Variants in CMC1 observed in about 807,000 individuals in gnomAD.
CMC1 encodes C-X9-C motif containing 1.
A neutral mutation model predicts 14.1 loss-of-function variants in CMC1; 14 were observed. The ratio of observed to expected loss-of-function variants is 0.99; its 90% CI spans 0.66 to 1.55. CMC1 has a LOEUF of 1.55. CMC1 is among the 40% of genes most tolerant of loss of function. The pLI is 0.00. For synonymous variants in CMC1, 50 were observed against 38.4 expected (o/e 1.30, Z -1.12); for missense variants, 127 against 123.8 (o/e 1.03, Z -0.12).
At chr3:28,271,212 A>G (rs11926578) in intron 2 of CMC1, among the ~76,000 whole-genome samples, 94,601 of 151,808 alleles carry the variant, frequency 0.62, 29,549 homozygotes, top group East Asian at 0.71. Context: ...GTGATTCTCC[A>G]ACCTCAGCTT....
intron 2 of CMC1, among the ~76,000 whole-genome samples, chr3:28,280,094 C>T (rs563933232): frequency 3.3e-5 from 5 of 152,194 alleles, no homozygotes; most frequent in South Asian, 2.1e-4. Flanking sequence ...CTGTTCTGTA[C>T]GACAGTTGAG....
rs1703303381 is a variant in CMC1 at position 28,324,419 on chromosome 3, T to C, written c.*4790T>C. The C allele has an allele frequency of 6.5e-7, 1 of 1,528,762 alleles. No homozygotes were observed. Among genetic ancestry groups the C allele is most frequent in the South Asian group, 1.3e-5 (1 of 77,082 alleles). The allele number at this position is 1,528,762 out of a possible 1,614,324, so 94.7% of individuals were successfully genotyped here. On this transcript the variant is annotated 3_prime_UTR_variant, in exon 4 of 4. Coordinates refer to ENST00000466830, the MANE Select transcript of CMC1 (RefSeq NM_182523.2). ...ATCAAGTGCAGTTTTGTGCTGTCTC[T>C]TCCAAGGTCTTCACTGCATCCTACA...
intron 2 of CMC1, among the ~76,000 whole-genome samples, chr3:28,288,090 C>CA (rs895067473): frequency 6.6e-6 from 1 of 151,596 alleles, no homozygotes. Flanking sequence ...TCCATCGTTA[C>CA]AAAAAAAATT....
At chr3:28,263,903 G>C (rs1699861238) in intron 2 of CMC1, among the ~76,000 whole-genome samples, 1 of 152,098 alleles carries the variant, frequency 6.6e-6, no homozygotes, top group Non-Finnish European at 1.5e-5. Context: ...ACATACACTA[G>C]ACAGCTACAA....
At chr3:28,277,653 T>C (rs1457724217) in intron 2 of CMC1, among the ~76,000 whole-genome samples, 1 of 152,178 alleles carries the variant, frequency 6.6e-6, no homozygotes, top group African/African-American at 2.4e-5. Flanking sequence ...GAAAGTGACA[T>C]GTGGACCAAA....
intron 2 of CMC1, among the ~76,000 whole-genome samples, chr3:28,269,663 T>C (rs1700182966): frequency 6.6e-6 from 1 of 152,100 alleles, no homozygotes; most frequent in Non-Finnish European, 1.5e-5. Flanking sequence ...CCTCCTGGGT[T>C]CAAGTGATTC....
At chr3:28,314,349 T>G (rs1702784944) in intron 2 of CMC1, among the ~76,000 whole-genome samples, 1 of 152,226 alleles carries the variant, frequency 6.6e-6, no homozygotes, top group Non-Finnish European at 1.5e-5. Context: ...CTTTGCCTTT[T>G]GAGTGTTAGA....
intron 2 of CMC1, among the ~76,000 whole-genome samples, chr3:28,280,050 A>G (rs1004861703): frequency 1.3e-5 from 2 of 152,210 alleles, no homozygotes; most frequent in African/African-American, 4.8e-5. Flanking sequence ...ATTGTGGTGT[A>G]CTTGTACAAT....
chr3:28,248,401 T>C (rs543091738), intron 1 of CMC1, among the ~76,000 whole-genome samples: 2 of 152,224 alleles, frequency 1.3e-5, no homozygotes, highest in Non-Finnish European at 2.9e-5. Flanking sequence ...TGACTTATTG[T>C]CTCAGACTTT....
At chr3:28,296,570 T>C (rs1201605311) in intron 2 of CMC1, among the ~76,000 whole-genome samples, 2 of 152,014 alleles carry the variant, frequency 1.3e-5, no homozygotes, top group Non-Finnish European at 2.9e-5. Flanking sequence ...GCCACTTTCT[T>C]TACTTTCTTT....
intron 2 of CMC1, among the ~76,000 whole-genome samples, chr3:28,281,178 G>A (rs1463770079): frequency 6.6e-6 from 1 of 152,172 alleles, no homozygotes; most frequent in Non-Finnish European, 1.5e-5. Flanking sequence ...CTGCACGTAA[G>A]CTGTCTACAT....
chr3:28,283,551 C>CAAAAA (rs5847510), intron 2 of CMC1, among the ~76,000 whole-genome samples: 12 of 118,266 alleles, frequency 1.0e-4, no homozygotes, highest in South Asian at 2.9e-4. Flanking sequence ...ACAACAAAAA[C>CAAAAA]AAAAAAAAAA....
chr3:28,281,657 A>G (rs372557050), intron 2 of CMC1, among the ~76,000 whole-genome samples: 2 of 152,234 alleles, frequency 1.3e-5, no homozygotes, highest in African/African-American at 4.8e-5. Flanking sequence ...AACCAGGCAC[A>G]GAAAATAGAA....
chr3:28,273,821 T>C (rs1188565598), intron 2 of CMC1, among the ~76,000 whole-genome samples: 1 of 152,230 alleles, frequency 6.6e-6, no homozygotes, highest in East Asian at 1.9e-4. Flanking sequence ...TAATTAGCTC[T>C]TCTTGTTGAA....
At chr3:28,260,756 T>C (rs1576996017) in intron 1 of CMC1, among the ~76,000 whole-genome samples, 1 of 152,174 alleles carries the variant, frequency 6.6e-6, no homozygotes. Context: ...AGTACTGTTT[T>C]AGCTGCATCA....
intron 2 of CMC1, among the ~76,000 whole-genome samples, chr3:28,312,697 T>C (rs1307569818): frequency 1.3e-5 from 2 of 152,210 alleles, no homozygotes; most frequent in African/African-American, 4.8e-5. Flanking sequence ...TAAACTGTAC[T>C]ATGATATGAC....
intron 2 of CMC1, among the ~76,000 whole-genome samples, chr3:28,302,823 C>T (rs1702121687): frequency 6.6e-6 from 1 of 152,124 alleles, no homozygotes; most frequent in Non-Finnish European, 1.5e-5. Flanking sequence ...CCACTTGCTT[C>T]CCAGGTCTCA....
At chr3:28,268,308 G>A (rs1282990276) in intron 2 of CMC1, among the ~76,000 whole-genome samples, 1 of 152,186 alleles carries the variant, frequency 6.6e-6, no homozygotes, top group Non-Finnish European at 1.5e-5. Flanking sequence ...ATATGGGAAA[G>A]TTCAGAAGAA....
chr3:28,290,670 C>A (rs192918196), intron 2 of CMC1, among the ~76,000 whole-genome samples: 4 of 152,094 alleles, frequency 2.6e-5, no homozygotes, highest in Admixed American at 2.6e-4. Flanking sequence ...AATCAGAAAA[C>A]TTTTCTTAAA....
Sources: gnomAD v4.1 joint callset for allele counts (sites outside exome capture counted in the v4.1 genomes callset) on GRCh38, gnomAD v4.1.1 for gene constraint, MANE v1.5 for transcripts, NCBI Gene and HGNC (gene_info 2026-07-23, HGNC 2026-07-21) for gene names.